The following LPIN1 variants were observed in gnomAD, a reference collection of about 807,000 sequenced individuals.
LPIN1 encodes phosphatidate phosphatase LPIN1.
LPIN1 carries 71 observed loss-of-function variants against 107.5 expected under a neutral mutation model. The ratio of observed to expected loss-of-function variants is 0.66; its 90% CI spans 0.55 to 0.80. LPIN1 has a LOEUF of 0.80. LPIN1 is among the 30% of genes least tolerant of loss of function. The pLI is 0.00. For synonymous variants in LPIN1, 445 were observed against 452.6 expected, an observed-to-expected ratio of 0.98 and a Z score of 0.21; for missense variants, 1,043 against 1,160.6, an observed-to-expected ratio of 0.90 and a Z score of 1.47.
intron 1 of LPIN1, among the ~76,000 whole-genome samples, chr2:11,681,737 G>T (rs1661724869): frequency 6.6e-6 from 1 of 152,286 alleles, no homozygotes; most frequent in Admixed American, 6.5e-5. Flanking sequence ...CAGGACCCTG[G>T]ACCCATTTTG....
At position 11,774,816 on chromosome 2, in the gene LPIN1, G is replaced by T. The variant is rs1037738502; in HGVS notation, c.722+1071G>T. The stretch of plus-strand genomic sequence containing the variant: ...GGTTTCCAGCCAATACTGATGTCGC[G>T]GGTTAGTCCAGCAGGCTGAGGCTGA... On this transcript the variant is annotated intron_variant, in intron 5 of 20. Coordinates refer to ENST00000674199, the MANE Select transcript of LPIN1 (RefSeq NM_001349206.2). This position sits in a 1 kb window ranked among gnomAD's most constrained non-coding sequence, Gnocchi z 4.4. Among the ~76,000 whole-genome samples the T allele has an allele frequency of 3.3e-5, 5 of 152,136 alleles. No individual in the cohort carries two copies. Among genetic ancestry groups the T allele is most frequent in the African/African-American group, 1.2e-4 (5 of 41,426 alleles).
At chr2:11,681,447 G>C (rs981235876) in intron 1 of LPIN1, 3 of 155,560 alleles carry the variant, frequency 1.9e-5, no homozygotes, top group Non-Finnish European at 2.8e-5. Context: ...CTCCTGCTCC[G>C]GCCATATAGG....
intron 1 of LPIN1, among the ~76,000 whole-genome samples, chr2:11,678,354 T>C (rs1156644002): frequency 6.6e-6 from 1 of 152,172 alleles, no homozygotes; most frequent in Non-Finnish European, 1.5e-5. Context: ...TGAGTGGCAG[T>C]GAGTCCCGAG....
chr2:11,813,093 G>A (rs376088811), intron 17 of LPIN1, among the ~76,000 whole-genome samples: 145 of 152,258 alleles, frequency 9.5e-4, no homozygotes, highest in African/African-American at 3.2e-3. Context: ...GGGAGGAGCC[G>A]CTGTGGTGTG....
chr2:11,773,160 G>A (rs552231104), intron 4 of LPIN1, among the ~76,000 whole-genome samples: 1 of 152,320 alleles, frequency 6.6e-6, no homozygotes, highest in South Asian at 2.1e-4. Context: ...AGGCATGTTT[G>A]GTTGATGCCA....
At chr2:11,822,197 G>A (rs1472015420) in intron 20 of LPIN1, among the ~76,000 whole-genome samples, 3 of 150,874 alleles carry the variant, frequency 2.0e-5, no homozygotes, top group African/African-American at 4.9e-5. Flanking sequence ...TTGGGAGGCC[G>A]AGGTGGGTGG....
chr2:11,822,224 A>G (rs1415260074), intron 20 of LPIN1, among the ~76,000 whole-genome samples: 4 of 146,594 alleles, frequency 2.7e-5, no homozygotes, highest in African/African-American at 1.0e-4. Flanking sequence ...TGAGGTCAGG[A>G]GTTCAAGACC....
intron 17 of LPIN1, among the ~76,000 whole-genome samples, chr2:11,806,528 C>T (rs879745304): frequency 1.3e-5 from 2 of 151,880 alleles, no homozygotes; most frequent in Admixed American, 6.6e-5. Flanking sequence ...CCCAGGAGTT[C>T]GAATCCAGCC....
chr2:11,756,202 A>G (rs1313489544), intron 1 of LPIN1, among the ~76,000 whole-genome samples: 1 of 152,150 alleles, frequency 6.6e-6, no homozygotes, highest in East Asian at 1.9e-4. Flanking sequence ...GCAAACCCAC[A>G]ATGTGAAAAT....
chr2:11,792,787 C>G (rs1009359946), intron 13 of LPIN1, among the ~76,000 whole-genome samples: 13 of 152,170 alleles, frequency 8.5e-5, no homozygotes, highest in Non-Finnish European at 2.9e-5. Flanking sequence ...GCGTTCATGT[C>G]TATGAGTGCC....
chr2:11,767,527 G>A (rs975610282), intron 2 of LPIN1: 7 of 551,832 alleles, frequency 1.3e-5, no homozygotes, highest in African/African-American at 7.5e-5. Context: ...TTGCACCAAC[G>A]TACTGTTTTG....
intron 4 of LPIN1, among the ~76,000 whole-genome samples, chr2:11,772,616 ACTTAGGTC>A (rs1672035242): frequency 6.6e-6 from 1 of 152,082 alleles, no homozygotes; most frequent in African/African-American, 2.4e-5. Context: ...TTTAATTTTG[ACTTAGGTC>A]CAAAGTTTAA....
chr2:11,820,533 T>G lies in LPIN1; in HGVS notation c.2621+19T>G, dbSNP rs1320503942. On this transcript the variant is annotated intron_variant, in intron 20 of 20. Coordinates refer to ENST00000674199, the MANE Select transcript of LPIN1 (RefSeq NM_001349206.2). ...TCTCTTCGTGAGTATTGTACACATT[T>G]TATGTGATTATGATATCAGTACTAT... The G allele has an allele frequency of 6.5e-7, 1 of 1,534,984 alleles. No individual in the cohort carries two copies. Among genetic ancestry groups the G allele is most frequent in the East Asian group, 2.2e-5 (1 of 44,504 alleles).
chr2:11,821,960 C>T (rs974938158), intron 20 of LPIN1, among the ~76,000 whole-genome samples: 2 of 152,162 alleles, frequency 1.3e-5, no homozygotes, highest in African/African-American at 4.8e-5. Flanking sequence ...CCCTTCCTTG[C>T]GGTTTCTGCC....
chr2:11,788,110 TGCA>T (rs1399216477), intron 11 of LPIN1, among the ~76,000 whole-genome samples: 1 of 152,152 alleles, frequency 6.6e-6, no homozygotes, highest in Non-Finnish European at 1.5e-5. Context: ...CGTGGTTTGG[TGCA>T]GCAGCTGTAC....
chr2:11,698,860 C>T (rs1024601811), intron 1 of LPIN1, among the ~76,000 whole-genome samples: 7 of 152,322 alleles, frequency 4.6e-5, no homozygotes, highest in African/African-American at 1.4e-4. Context: ...GCCTTGGGCC[C>T]ACTGCCTGAG....
At chr2:11,776,902 AT>A (rs1672758127) in intron 6 of LPIN1, among the ~76,000 whole-genome samples, 1 of 152,184 alleles carries the variant, frequency 6.6e-6, no homozygotes, top group Non-Finnish European at 1.5e-5. Context: ...TGTCTTTTTG[AT>A]TAAAGATCCA....
At chr2:11,770,162 G>T (rs1323129782) in intron 3 of LPIN1, among the ~76,000 whole-genome samples, 1 of 152,242 alleles carries the variant, frequency 6.6e-6, no homozygotes, top group Non-Finnish European at 1.5e-5. Context: ...CCTGGCTTTA[G>T]ATAGATTTTT....
At chr2:11,767,577 C>A in intron 2 of LPIN1, 186 bp from the exon 3 acceptor site, 1 of 639,470 alleles carries the variant, frequency 1.6e-6, no homozygotes, top group Non-Finnish European at 2.9e-6. Context: ...CCTCCCGAAC[C>A]CAGAACTCCT....
Sources: allele counts gnomAD v4.1 joint callset (sites outside exome capture counted in the v4.1 genomes callset), GRCh38; gene constraint gnomAD v4.1.1; non-coding constraint Gnocchi (gnomAD v3.1); transcripts MANE v1.5; gene names NCBI Gene and HGNC (gene_info 2026-07-23, HGNC 2026-07-21).